The following TBX15 variants were observed in gnomAD, a reference collection of about 807,000 sequenced individuals.
The protein encoded by TBX15 is T-box transcription factor TBX15.
A neutral mutation model predicts 53.9 loss-of-function variants in TBX15; 18 were observed. The ratio of observed to expected loss-of-function variants is 0.33; its 90% CI spans 0.23 to 0.49. The LOEUF (loss-of-function observed/expected upper bound fraction) is 0.49, where lower values mean the gene tolerates loss of function less well. Ranked by LOEUF, TBX15 falls within the 20% of genes least tolerant of loss-of-function variation. The probability of loss-of-function intolerance (pLI) is 0.98; values close to 1 mark genes in which losing one functional copy is unlikely to be tolerated. For missense variants in TBX15, 692 were observed against 749.5 expected, an observed-to-expected ratio of 0.92 and a Z score of 0.90; for synonymous variants, 295 against 278.0, an observed-to-expected ratio of 1.06 and a Z score of -0.61.
At chr1:118,895,946 T>A (rs1309943127) in intron 7 of TBX15, among the ~76,000 whole-genome samples, 2 of 152,218 alleles carry the variant, frequency 1.3e-5, no homozygotes, top group Non-Finnish European at 2.9e-5. Context: ...TGAACTTAGC[T>A]CTGCCACCAC....
At chr1:118,923,663 A>G in intron 4 of TBX15, 60 bp from the exon 5 acceptor site, 1 of 1,595,752 alleles carries the variant, frequency 6.3e-7, no homozygotes, top group East Asian at 2.2e-5. Context: ...TTTTGTTCTC[A>G]TGCAAAAATA....
intron 6 of TBX15, among the ~76,000 whole-genome samples, chr1:118,904,852 A>G (rs1654758679): frequency 6.6e-6 from 1 of 152,194 alleles, no homozygotes; most frequent in South Asian, 2.1e-4. Flanking sequence ...CTGGGGCTAG[A>G]TTACCTGGCT....
chr1:118,949,400 C>T (rs950811412), intron 1 of TBX15, among the ~76,000 whole-genome samples: 4 of 152,228 alleles, frequency 2.6e-5, no homozygotes, highest in African/African-American at 9.6e-5. Context: ...TAGCAAACTT[C>T]CTCTGCTCTG....
At chr1:118,961,903 C>T (rs989157369) in intron 1 of TBX15, among the ~76,000 whole-genome samples, 11 of 152,306 alleles carry the variant, frequency 7.2e-5, no homozygotes, top group African/African-American at 2.4e-4. Flanking sequence ...GCTATGGTAC[C>T]TATTGGTACC....
intron 4 of TBX15, among the ~76,000 whole-genome samples, chr1:118,923,872 T>C (rs1001990213): frequency 6.6e-6 from 1 of 152,228 alleles, no homozygotes; most frequent in African/African-American, 2.4e-5. Flanking sequence ...ACTTCTTTAG[T>C]ACCAATGGAC....
intron 7 of TBX15, among the ~76,000 whole-genome samples, chr1:118,890,598 C>T (rs1357146118): frequency 6.6e-6 from 1 of 152,136 alleles, no homozygotes; most frequent in Non-Finnish European, 1.5e-5. Context: ...ATACGTTTAG[C>T]AGTAATTCCG....
At chr1:118,945,124 A>G (rs1281724628) in intron 1 of TBX15, among the ~76,000 whole-genome samples, 1 of 152,206 alleles carries the variant, frequency 6.6e-6, no homozygotes, top group African/African-American at 2.4e-5. Context: ...TACTCTGTTC[A>G]TGGACTATTC....
At chr1:118,934,902 A>G (rs1362066434) in intron 1 of TBX15, among the ~76,000 whole-genome samples, 1 of 152,344 alleles carries the variant, frequency 6.6e-6, no homozygotes, top group East Asian at 1.9e-4. Context: ...ACTCTCTCAC[A>G]AAACAGGATC....
At chr1:118,900,457 G>T (rs1006677433) in intron 6 of TBX15, among the ~76,000 whole-genome samples, 15 of 152,116 alleles carry the variant, frequency 9.9e-5, no homozygotes, top group African/African-American at 3.6e-4. Flanking sequence ...CTGCTGATAC[G>T]CTGATTGACT....
At chr1:118,946,245 AT>A (rs2101646660) in intron 1 of TBX15, among the ~76,000 whole-genome samples, 1 of 152,236 alleles carries the variant, frequency 6.6e-6, no homozygotes, top group South Asian at 2.1e-4. Flanking sequence ...TGAGATGAAT[AT>A]TTTTATAAAG....
At chr1:118,885,635 G>A in intron 7 of TBX15, 119 bp from the exon 8 acceptor site, 1 of 1,280,930 alleles carries the variant, frequency 7.8e-7, no homozygotes, top group Non-Finnish European at 1.1e-6. Context: ...GATTTTTACA[G>A]AACCATTTTT....
At chr1:118,914,509 C>T (rs557093240) in intron 5 of TBX15, among the ~76,000 whole-genome samples, 1 of 152,286 alleles carries the variant, frequency 6.6e-6, no homozygotes, top group African/African-American at 2.4e-5. Flanking sequence ...TGGTCACGTC[C>T]ATGGTACATG....
chr1:118,932,054 A>G (rs193082875), intron 1 of TBX15, among the ~76,000 whole-genome samples: 29 of 152,310 alleles, frequency 1.9e-4, no homozygotes, highest in Non-Finnish European at 2.1e-4. Context: ...TGTTTCCAAC[A>G]TGACATCTGG....
chr1:118,910,442 A>G (rs1223359398), intron 6 of TBX15, among the ~76,000 whole-genome samples: 5 of 152,150 alleles, frequency 3.3e-5, no homozygotes, highest in African/African-American at 1.2e-4. Flanking sequence ...GTTTTACCAC[A>G]GAAGGGCAAT....
intron 6 of TBX15, 119 bp downstream of exon 6, chr1:118,913,996 G>C: frequency 1.0e-6 from 1 of 975,404 alleles, no homozygotes; most frequent in Non-Finnish European, 1.6e-6. Context: ...TTGCCGAAGT[G>C]TACACAGTGG....
At chr1:118,910,981 G>C (rs994568449) in intron 6 of TBX15, among the ~76,000 whole-genome samples, 1 of 152,184 alleles carries the variant, frequency 6.6e-6, no homozygotes, top group Non-Finnish European at 1.5e-5. Flanking sequence ...TAGGTGACTT[G>C]AATAGTGTTT....
chr1:118,902,021 T>C (rs913257212), intron 6 of TBX15, among the ~76,000 whole-genome samples: 3 of 152,116 alleles, frequency 2.0e-5, no homozygotes, highest in Non-Finnish European at 4.4e-5. Flanking sequence ...CCTAACCATG[T>C]CTTATTAATC....
intron 1 of TBX15, among the ~76,000 whole-genome samples, chr1:118,971,089 C>T (rs917528651): frequency 2.0e-5 from 3 of 152,084 alleles, no homozygotes; most frequent in Non-Finnish European, 2.9e-5. Flanking sequence ...CAGAGGCTGC[C>T]GTGGTCACAA....
At chr1:118,915,823 G>T (rs941558723) in intron 5 of TBX15, among the ~76,000 whole-genome samples, 11 of 152,042 alleles carry the variant, frequency 7.2e-5, no homozygotes, top group African/African-American at 2.4e-4. Flanking sequence ...CCATGTTTTG[G>T]GGGTCTCCAC....
Sources: gnomAD v4.1 joint callset for allele counts (sites outside exome capture counted in the v4.1 genomes callset) on GRCh38, gnomAD v4.1.1 for gene constraint, MANE v1.5 for transcripts, NCBI Gene and HGNC (gene_info 2026-07-23, HGNC 2026-07-21) for gene names.